The following TMEM237 variants were observed in gnomAD, a reference collection of about 807,000 sequenced individuals.
TMEM237 encodes transmembrane protein 237, also known as amyotrophic lateral sclerosis 2 (juvenile) chromosome region, candidate 4.
In TMEM237, 51 loss-of-function variants were observed where a neutral mutation model predicts 59.1. The ratio of observed to expected loss-of-function variants is 0.86; its 90% CI spans 0.69 to 1.09. The LOEUF is 1.09. Ranked by LOEUF, TMEM237 falls within the 50% of genes least tolerant of loss-of-function variation. The pLI, the probability that TMEM237 is intolerant of heterozygous loss-of-function variation, is 0.00. For missense variants in TMEM237, 475 were observed against 478.3 expected (o/e 0.99, Z 0.06); for synonymous variants, 140 against 166.1 (o/e 0.84, Z 1.21).
At chr2:201,640,370 A>G in intron 2 of TMEM237, 105 bp from the exon 3 acceptor site, 6 of 1,117,988 alleles carry the variant, frequency 5.4e-6, no homozygotes, top group Non-Finnish European at 7.3e-6. Flanking sequence ...ATTGACTTAA[A>G]TCATTACAAA....
chr2:201,629,575 C>T (rs1216819586), intron 8 of TMEM237, among the ~76,000 whole-genome samples, 154 bp from the exon 9 acceptor site: 1 of 152,214 alleles, frequency 6.6e-6, no homozygotes, highest in Non-Finnish European at 1.5e-5. Context: ...AGGTAGATCA[C>T]TCAATTCCAA....
In TMEM237 at chr2:201,626,096, G is replaced by T; in HGVS notation, c.1089C>A (p.Leu363=). ...QILQPWIVVN[L]VVALLVGLSW... is the part of the protein sequence containing the mutation. ...ATAATCCAACCAGAAGAGCCACCAC[G>T]AGATTCACCACAATCCATGGCTGGA... The change falls in exon 12 of 13, where the codon CTC becomes CTA. Residue 363 remains leucine, a synonymous_variant. Coordinates refer to ENST00000409883, the MANE Select transcript of TMEM237 (RefSeq NM_001044385.3). 6.2e-7 allele frequency: 1 copy of T among 1,609,648 alleles called. No homozygotes were observed. The highest frequency in any genetic ancestry group is 8.5e-7 in the Non-Finnish European group (1 of 1,177,896).
intron 8 of TMEM237, 34 bp from the exon 9 acceptor site, chr2:201,629,455 A>G: frequency 1.4e-6 from 2 of 1,474,122 alleles, no homozygotes; most frequent in South Asian, 3.0e-5. Context: ...TTATACATGA[A>G]TTACTAAAGT....
chr2:201,629,749 A>C lies in TMEM237; in HGVS notation c.657T>G (p.Leu219=). 6.2e-7 allele frequency: 1 copy of C among 1,612,472 alleles called. No homozygotes were observed. Among genetic ancestry groups the C allele is most frequent in the Non-Finnish European group, 8.5e-7 (1 of 1,179,548 alleles). Residue 219 remains leucine (L), a synonymous_variant, in exon 8 of 13, where the codon CTT becomes CTG. Transcript: ENST00000409883. ...KPSWTTRDVA[L]TVHRAFRMIG... ...GCCACCTGAAAGCCCGGTGCACTGT[A>C]AGTGCCACATCTCTGGTGGTCCAGG...
rs191676728 is a variant in TMEM237, at chr2:201,643,281, C to G, written c.42+78G>C. ...GATTCCCAGCTCGTTGGCGCCCCCC[C>G]ACACACACCCACCCCCACTGCCAAG... is the stretch of plus-strand genomic sequence containing the variant. On this transcript the variant is annotated intron_variant, in intron 1 of 12. Transcript: ENST00000409883. This position sits in a 1 kb window ranked among gnomAD's most constrained non-coding sequence, Gnocchi z 4.3. 3.2e-3 allele frequency: 4,339 copies of G among 1,335,540 alleles called. 140 individuals carry two copies. The African/African-American group carries it at 0.058, about 18-fold the overall frequency. 82.7% of individuals were successfully genotyped at this position (1,335,540 alleles called of 1,614,324 possible). A position where few individuals can be genotyped will look rare whatever the true frequency, so the allele number is the denominator to read the frequency against.
Position 201,638,934 on chromosome 2 carries a change from C to T in TMEM237, c.136+55G>A, listed in dbSNP as rs372135499. 166 of 1,498,448 alleles carry T rather than the reference C, an allele frequency of 1.1e-4. No homozygotes were observed. In the African/African-American group the frequency reaches 2.0e-3, roughly 18 times the overall value. 92.8% of individuals were successfully genotyped at this position (1,498,448 alleles called of 1,614,324 possible). A position where few individuals can be genotyped will look rare whatever the true frequency, so the allele number is the denominator to read the frequency against. On this transcript the variant is annotated intron_variant, in intron 4 of 12. Coordinates refer to ENST00000409883, the MANE Select transcript of TMEM237 (RefSeq NM_001044385.3). The stretch of plus-strand genomic sequence containing the variant: ...TCTCCCTTATCTGTGATGTTTACTA[C>T]GCCTGAGGTCCTGGGAAAACTTGTG...
At chr2:201,626,001 T>G in intron 12 of TMEM237, 25 bp downstream of exon 12, 10 of 1,553,860 alleles carry the variant, frequency 6.4e-6, no homozygotes, top group Non-Finnish European at 8.7e-6. Flanking sequence ...CAGGATATTC[T>G]TATGCTATTT....
chr2:201,636,118 G>A (rs977966870), intron 5 of TMEM237: 9 of 152,140 alleles, frequency 5.9e-5, no homozygotes, highest in Admixed American at 2.0e-4. Context: ...GTATCACACC[G>A]TTAAATATCT....
Position 201,640,322 on chromosome 2 carries a change from AAC to A in TMEM237, c.75-59_75-58del. The stretch of plus-strand genomic sequence containing the variant: ...ATCAGCAGGACAAAGACAAAAAAGA[AAC>A]AATTAATTAGAAACCTGTTAATATT... On this transcript the variant is annotated intron_variant, in intron 2 of 12. Transcript: ENST00000409883. The A allele has an allele frequency of 5.4e-6, 8 of 1,494,172 alleles. 1 individual carries two copies. The South Asian group carries it at 1.1e-4, about 20-fold the overall frequency. The allele number at this position is 1,494,172 out of a possible 1,614,324, so 92.6% of individuals were successfully genotyped here. A position where few individuals can be genotyped will look rare whatever the true frequency, so the allele number is the denominator to read the frequency against.
At chr2:201,639,173 A>C (rs1215147001) in intron 3 of TMEM237, 128 bp from the exon 4 acceptor site, 5 of 836,334 alleles carry the variant, frequency 6.0e-6, no homozygotes, top group Non-Finnish European at 9.3e-6. Context: ...ACGTTTATAG[A>C]TTAGGGGAAG....
Position 201,622,373 on chromosome 2 carries a change from A to C in TMEM237, c.*1882T>G, listed in dbSNP as rs1957716285. On this transcript the variant is annotated 3_prime_UTR_variant, in exon 13 of 13. Transcript: ENST00000409883. ...TATGACATGGGCAGCACCAGGCCAA[A>C]ACCAAGGTATCCACAGAGCTGCCTT... is the stretch of plus-strand genomic sequence containing the variant. 1.3e-5 allele frequency: 2 copies of C among 152,288 alleles called. No individual in the cohort carries two copies. The highest frequency in any genetic ancestry group is 6.5e-5 in the Admixed American group (1 of 15,284). 9.4% of individuals were successfully genotyped at this position (152,288 alleles called of 1,614,324 possible).
chr2:201,635,575 A>G lies in TMEM237; in HGVS notation c.274+1173T>C, dbSNP rs1200487546. On this transcript the variant is annotated intron_variant, in intron 5 of 12. Transcript: ENST00000409883. The surrounding 1 kb of genome is among the most constrained non-coding windows in gnomAD (Gnocchi z 4.5). ...TCAGGAGTTCAAGACAAGCCTGGCCAACATGGCAAAACCCTGTCTCTACTA... is the reference window on the plus strand; with the variant it reads ...TCAGGAGTTCAAGACAAGCCTGGCCGACATGGCAAAACCCTGTCTCTACTA... Among the ~76,000 whole-genome samples, 1 of 152,224 alleles carries G rather than the reference A, an allele frequency of 6.6e-6. No individual in the cohort carries two copies. Among genetic ancestry groups the G allele is most frequent in the East Asian group, 1.9e-4 (1 of 5,198 alleles).
In TMEM237 at chr2:201,640,270, C is replaced by T. The variant is rs1352518639; in HGVS notation, c.75-5G>A. 3.9e-6 allele frequency: 6 copies of T among 1,554,496 alleles called. No individual in the cohort carries two copies. The highest frequency in any genetic ancestry group is 5.2e-6 in the Non-Finnish European group (6 of 1,161,230). On this transcript the variant is annotated splice_polypyrimidine_tract_variant and splice_region_variant and intron_variant, in intron 2 of 12. Coordinates refer to ENST00000409883, the MANE Select transcript of TMEM237 (RefSeq NM_001044385.3). ...CATTAAACTAACTCACCTTGACTAA[C>T]ACGTCATATAACACCAAACAAATTT...
At chr2:201,637,975 A>G (rs1345289246) in intron 4 of TMEM237, among the ~76,000 whole-genome samples, 1 of 152,220 alleles carries the variant, frequency 6.6e-6, no homozygotes, top group Non-Finnish European at 1.5e-5. Context: ...GTAATTTAGC[A>G]GAGTCAGTCA....
chr2:201,636,068 C>T (rs563507832), intron 5 of TMEM237: 6 of 152,242 alleles, frequency 3.9e-5, no homozygotes, highest in African/African-American at 1.4e-4. Flanking sequence ...TAATGGGTAC[C>T]TGGTTCCTAT....
chr2:201,638,942 G>A (rs199598311), intron 4 of TMEM237, 47 bp downstream of exon 4: 1 of 1,531,684 alleles, frequency 6.5e-7, no homozygotes, highest in Admixed American at 2.0e-5. Context: ...TACGCCTGAG[G>A]TCCTGGGAAA....
rs143336588 is a variant in TMEM237 at position 201,640,206 on chromosome 2, G to A, written c.79+55C>T. The A allele has an allele frequency of 1.6e-4, 235 of 1,442,226 alleles. 2 individuals are homozygous for A. The East Asian group carries it at 5.5e-3, about 34-fold the overall frequency. The allele number at this position is 1,442,226 out of a possible 1,614,324, so 89.3% of individuals were successfully genotyped here. ...CTCAGTTTTAAGAGAAACAAACCAA[G>A]GAATCAAACTAATTTTTGAACACCA... On this transcript the variant is annotated intron_variant, in intron 3 of 12. Coordinates refer to ENST00000409883, the MANE Select transcript of TMEM237 (RefSeq NM_001044385.3).
rs532462149 is a variant in TMEM237 at position 201,642,210 on chromosome 2, T to G, written c.42+1149A>C. Among the ~76,000 whole-genome samples the G allele has an allele frequency of 5.3e-4, 81 of 152,348 alleles. 1 individual carries two copies. The highest frequency in any genetic ancestry group is 1.8e-3 in the African/African-American group (76 of 41,584). Reference sequence around the variant, plus strand: ...TAACAGAAATGCCTAGAAGCCAATTTAATGTTCCAAGTATCTCATGCTGCT... The same window carrying G: ...TAACAGAAATGCCTAGAAGCCAATTGAATGTTCCAAGTATCTCATGCTGCT... On this transcript the variant is annotated intron_variant, in intron 1 of 12. Transcript: ENST00000409883.
At chr2:201,634,111 T>C (rs1472563418) in intron 5 of TMEM237, among the ~76,000 whole-genome samples, 1 of 151,918 alleles carries the variant, frequency 6.6e-6, no homozygotes, top group African/African-American at 2.4e-5. Flanking sequence ...TGTAGGGAGC[T>C]GTTTATCATC....
Sources: gnomAD v4.1 joint callset for allele counts (sites outside exome capture counted in the v4.1 genomes callset) on GRCh38, gnomAD v4.1.1 for gene constraint, Gnocchi (gnomAD v3.1) non-coding constraint, MANE v1.5 for transcripts, NCBI Gene and HGNC (gene_info 2026-07-23, HGNC 2026-07-21) for gene names.